Variants in PITPNM3 observed in about 807,000 individuals in gnomAD.
The protein encoded by PITPNM3 is PITPNM family member 3, also known as membrane-associated phosphatidylinositol transfer protein 3.
PITPNM3 carries 26 observed loss-of-function variants against 102.0 expected under a neutral mutation model. The observed-to-expected ratio is 0.25, with a 90% confidence interval of 0.19 to 0.35. The LOEUF is 0.35. Ranked by LOEUF, PITPNM3 falls within the 10% of genes least tolerant of loss-of-function variation. The pLI is 1.00. For missense variants in PITPNM3, 1,083 were observed against 1,346.1 expected, an observed-to-expected ratio of 0.80 and a Z score of 3.06; for synonymous variants, 578 against 558.6, an observed-to-expected ratio of 1.03 and a Z score of -0.49.
At position 6,454,854 on chromosome 17, in the gene PITPNM3, A is replaced by G. The variant is rs12449488; in HGVS notation, c.*484T>C. ...CTTGCCATAAGAGCGCCAACCCCAA[A>G]ATGGTGACCCAAACCACAGGAAGGG... On this transcript the variant is annotated 3_prime_UTR_variant, in exon 20 of 20. Coordinates refer to ENST00000262483, the MANE Select transcript of PITPNM3 (RefSeq NM_031220.4). The G allele has an allele frequency of 0.37, 60,072 of 162,382 alleles. 11,704 individuals are homozygous for G. Among genetic ancestry groups the G allele is most frequent in the East Asian group, 0.59 (3,182 of 5,410 alleles). 10.1% of individuals were successfully genotyped at this position (162,382 alleles called of 1,614,324 possible).
intron 4 of PITPNM3, among the ~76,000 whole-genome samples, chr17:6,487,596 C>T (rs1906171661): frequency 6.6e-6 from 1 of 152,190 alleles, no homozygotes; most frequent in African/African-American, 2.4e-5. Flanking sequence ...CCACAAATTA[C>T]TATGGCAAGG....
Position 6,513,678 on chromosome 17 carries a change from A to G in PITPNM3, c.227-10104T>C, listed in dbSNP as rs567678173. Among the ~76,000 whole-genome samples the G allele has an allele frequency of 3.9e-5, 6 of 152,382 alleles. No individual in the cohort carries two copies. The South Asian group carries it at 1.2e-3, about 32-fold the overall frequency. ...ATAAATGTAAAGACATCTCACGTTC[A>G]TGGATTGGAACTAATATTGTTAAGA... is the stretch of plus-strand genomic sequence containing the variant. On this transcript the variant is annotated intron_variant, in intron 3 of 19. Transcript: ENST00000262483.
At chr17:6,489,558 A>G (rs75975686) in intron 4 of PITPNM3, among the ~76,000 whole-genome samples, 2,285 of 151,480 alleles carry the variant, frequency 0.015, 66 homozygotes, top group African/African-American at 0.053. Context: ...TAAGAAAGGG[A>G]TGGTCTCTTT....
Position 6,538,095 on chromosome 17 carries a change from A to T in PITPNM3, c.23-13T>A. 1 of 1,584,502 alleles carries T rather than the reference A, an allele frequency of 6.3e-7. No homozygotes were observed. The highest frequency in any genetic ancestry group is 1.1e-5 in the South Asian group (1 of 90,394). ...GGGGGAGGACCACCTGTTAAAGGGA[A>T]CACATCTGTTAACCAAGCCTGAGAT... On this transcript the variant is annotated splice_polypyrimidine_tract_variant and intron_variant, in intron 1 of 19. Transcript: ENST00000262483.
In PITPNM3 at chr17:6,546,417, T is replaced by C. The variant is rs1290580442; in HGVS notation, c.23-8335A>G. 2.0e-5 allele frequency among the ~76,000 whole-genome samples: 3 copies of C among 152,236 alleles called. No homozygotes were observed. The East Asian group carries it at 5.8e-4, about 29-fold the overall frequency. ...CTTAAAGACTGAGGCTGACTTCAGA[T>C]TGCAGAACTGTCCTGAGAACAGCTC... On this transcript the variant is annotated intron_variant, in intron 1 of 19. Coordinates refer to ENST00000262483, the MANE Select transcript of PITPNM3 (RefSeq NM_031220.4).
At chr17:6,524,425 T>G (rs1197629668) in intron 3 of PITPNM3, among the ~76,000 whole-genome samples, 2 of 152,246 alleles carry the variant, frequency 1.3e-5, no homozygotes, top group East Asian at 3.8e-4. Flanking sequence ...GGTCTAGCCC[T>G]GGCTCTGCTT....
Position 6,469,935 on chromosome 17 carries a change from G to A in PITPNM3, c.1773+325C>T, listed in dbSNP as rs886731056. 2.0e-5 allele frequency among the ~76,000 whole-genome samples: 3 copies of A among 152,096 alleles called. No individual in the cohort carries two copies. Among genetic ancestry groups the A allele is most frequent in the African/African-American group, 7.2e-5 (3 of 41,396 alleles). On this transcript the variant is annotated intron_variant, in intron 13 of 19. Transcript: ENST00000262483. This position sits in a 1 kb window ranked among gnomAD's most constrained non-coding sequence, Gnocchi z 4.0. ...CTGCTATACCTTCTGTTTTGCAGAC[G>A]AGGACATTGAGACTCAGTGGGGAGT...
At chr17:6,484,957 T>C (rs1172420324) in intron 4 of PITPNM3, among the ~76,000 whole-genome samples, 1 of 152,096 alleles carries the variant, frequency 6.6e-6, no homozygotes, top group Non-Finnish European at 1.5e-5. Context: ...CTCCCGCTTC[T>C]CCGGCCTTAG....
chr17:6,522,714 G>C (rs1908607844), intron 3 of PITPNM3, among the ~76,000 whole-genome samples: 1 of 152,182 alleles, frequency 6.6e-6, no homozygotes, highest in Non-Finnish European at 1.5e-5. Flanking sequence ...GATCTGCTCT[G>C]TCTATGCCAC....
intron 3 of PITPNM3, among the ~76,000 whole-genome samples, chr17:6,520,517 A>T (rs112968772): frequency 7.0e-4 from 107 of 152,356 alleles, no homozygotes; most frequent in African/African-American, 2.5e-3. Flanking sequence ...GGGAAGAGGT[A>T]AGTTGCAGCA....
intron 6 of PITPNM3, among the ~76,000 whole-genome samples, chr17:6,482,068 C>G (rs1004811807): frequency 7.0e-6 from 1 of 142,852 alleles, no homozygotes; most frequent in Non-Finnish European, 1.5e-5. Flanking sequence ...CTCTCTCTGT[C>G]TCTCTCTCTC....
chr17:6,544,711 G>C (rs542795400), intron 1 of PITPNM3, among the ~76,000 whole-genome samples: 2 of 148,172 alleles, frequency 1.3e-5, no homozygotes, highest in Non-Finnish European at 3.0e-5. Flanking sequence ...AGAACAGCAG[G>C]TTCTACAAGC....
At position 6,457,654 on chromosome 17, in the gene PITPNM3, C is replaced by T. The variant is rs750969385; in HGVS notation, c.2559G>A (p.Leu853=). The T allele has an allele frequency of 6.2e-7, 1 of 1,611,664 alleles. No individual in the cohort carries two copies. Among genetic ancestry groups the T allele is most frequent in the Non-Finnish European group, 8.5e-7 (1 of 1,179,182 alleles). ...CCACAATGAAGATCTGGGAGGCAGGCAGGCCCAGCACGCTGTAGACAGAGA... is the reference window on the plus strand; with the variant it reads ...CCACAATGAAGATCTGGGAGGCAGGTAGGCCCAGCACGCTGTAGACAGAGA... ...KDISVYSVLG[L]PASQIFIVGR... Residue 853 remains leucine (L), a synonymous_variant, in exon 19 of 20, where the codon CTG becomes CTA. Transcript: ENST00000262483. This position sits in a 1 kb window ranked among gnomAD's most constrained non-coding sequence, Gnocchi z 4.7.
chr17:6,461,705 C>T (rs893581428), intron 17 of PITPNM3, 149 bp from the exon 18 acceptor site: 2 of 908,664 alleles, frequency 2.2e-6, no homozygotes, highest in African/African-American at 3.3e-5. Flanking sequence ...CCCGAATCCC[C>T]TCTCTGGGCT....
Position 6,537,083 on chromosome 17 carries a change from C to T in PITPNM3, c.118+904G>A, listed in dbSNP as rs1909477529. On this transcript the variant is annotated intron_variant, in intron 2 of 19. Coordinates refer to ENST00000262483, the MANE Select transcript of PITPNM3 (RefSeq NM_031220.4). This position sits in a 1 kb window ranked among gnomAD's most constrained non-coding sequence, Gnocchi z 4.4. ...TGAAATGTCCACCCCTTTGGATGCC[C>T]CTTTCTTTCAATCCCAACGTCAACA... Among the ~76,000 whole-genome samples the T allele has an allele frequency of 6.6e-6, 1 of 152,072 alleles. No homozygotes were observed. Among genetic ancestry groups the T allele is most frequent in the African/African-American group, 2.4e-5 (1 of 41,398 alleles).
chr17:6,490,640 A>G (rs1906400622), intron 4 of PITPNM3, among the ~76,000 whole-genome samples: 1 of 151,910 alleles, frequency 6.6e-6, no homozygotes, highest in Middle Eastern at 3.2e-3. Context: ...TAATAAACAA[A>G]CGCTTTGAGG....
Position 6,472,653 on chromosome 17 carries a change from C to G in PITPNM3, c.1429+4G>C, listed in dbSNP as rs1263923267. 6.2e-7 allele frequency: 1 copy of G among 1,611,834 alleles called. No homozygotes were observed. The highest frequency in any genetic ancestry group is 2.2e-5 in the East Asian group (1 of 44,824). On this transcript the variant is annotated splice_donor_region_variant and intron_variant, in intron 11 of 19. Transcript: ENST00000262483. The surrounding 1 kb of genome is among the most constrained non-coding windows in gnomAD (Gnocchi z 4.1). ...CACACTCTCTCCCACCCCCAAGAAC[C>G]TACCGAGGAGGAGGGACTGCCCATC...
intron 1 of PITPNM3, among the ~76,000 whole-genome samples, chr17:6,549,110 C>T (rs1046804164): frequency 1.3e-5 from 2 of 152,110 alleles, no homozygotes; most frequent in Non-Finnish European, 2.9e-5. Flanking sequence ...TGCTCACCAG[C>T]CCTGGAGAAG....
Position 6,461,648 on chromosome 17 carries a change from A to G in PITPNM3, c.2307-92T>C, listed in dbSNP as rs1904466211. ...CCCTGCCCGCAGCTGCCCTCCTGAG[A>G]CGTCAGAGGGACGAGTCTGAGGCGT... On this transcript the variant is annotated intron_variant, in intron 17 of 19. Transcript: ENST00000262483. The G allele has an allele frequency of 2.8e-6, 4 of 1,431,300 alleles. No individual in the cohort carries two copies. In the Admixed American group the frequency reaches 6.7e-5, roughly 24 times the overall value. The allele number at this position is 1,431,300 out of a possible 1,614,324, so 88.7% of individuals were successfully genotyped here.
Sources: allele counts gnomAD v4.1 joint callset (sites outside exome capture counted in the v4.1 genomes callset), GRCh38; gene constraint gnomAD v4.1.1; non-coding constraint Gnocchi (gnomAD v3.1); transcripts MANE v1.5; gene names NCBI Gene and HGNC (gene_info 2026-07-23, HGNC 2026-07-21).